The following TNIK variants were observed in gnomAD, a reference collection of about 807,000 sequenced individuals.
The protein encoded by TNIK is TRAF2 and NCK interacting kinase.
A neutral mutation model predicts 191.3 loss-of-function variants in TNIK; 49 were observed. That is an observed-to-expected ratio of 0.26 (90% CI 0.20 to 0.32). The LOEUF (loss-of-function observed/expected upper bound fraction) is 0.32, where lower values mean the gene tolerates loss of function less well. TNIK is among the 10% of genes least tolerant of loss of function. TNIK has a pLI of 1.00. For missense variants in TNIK, 1,155 were observed against 1,702.3 expected (o/e 0.68, Z 5.66); for synonymous variants, 594 against 600.9 (o/e 0.99, Z 0.17).
At chr3:171,287,154 G>A (rs1751096521) in intron 2 of TNIK, among the ~76,000 whole-genome samples, 1 of 151,994 alleles carries the variant, frequency 6.6e-6, no homozygotes. Context: ...ATATGCTGCT[G>A]CAAATATTTC....
chr3:171,179,667 G>T (rs975710900), intron 7 of TNIK, among the ~76,000 whole-genome samples: 5 of 152,032 alleles, frequency 3.3e-5, no homozygotes, highest in African/African-American at 1.2e-4. Context: ...AGTCAGGATG[G>T]TCTTGATCTC....
intron 15 of TNIK, 52 bp downstream of exon 15, chr3:171,138,139 C>A: frequency 3.7e-5 from 55 of 1,479,872 alleles, no homozygotes; most frequent in Non-Finnish European, 4.9e-5. Context: ...CACACAAACT[C>A]ATTAGAGTCA....
At chr3:171,398,431 A>G (rs193293063) in intron 1 of TNIK, among the ~76,000 whole-genome samples, 14 of 152,362 alleles carry the variant, frequency 9.2e-5, no homozygotes, top group Non-Finnish European at 1.3e-4. Flanking sequence ...TTGGGAATCC[A>G]TATCTTCTAT....
intron 12 of TNIK, among the ~76,000 whole-genome samples, chr3:171,141,136 CATCATCGTCATCGTCA>C (rs1195231996): frequency 3.3e-5 from 5 of 152,202 alleles, no homozygotes; most frequent in Non-Finnish European, 5.9e-5. Flanking sequence ...CCATCATCAT[CATCATCGTCATCGTCA>C]ATCATCGTCA....
chr3:171,222,953 G>A (rs1742536942), intron 3 of TNIK, among the ~76,000 whole-genome samples: 1 of 152,096 alleles, frequency 6.6e-6, no homozygotes, highest in African/African-American at 2.4e-5. Flanking sequence ...AAGAAAACCT[G>A]CTTACATTTC....
At chr3:171,225,499 G>A (rs1286737302) in intron 3 of TNIK, 1 of 454,328 alleles carries the variant, frequency 2.2e-6, no homozygotes, top group African/African-American at 2.0e-5. Context: ...TCTATGTAAT[G>A]GATTGACACT....
At chr3:171,331,497 C>A (rs1226040533) in intron 2 of TNIK, among the ~76,000 whole-genome samples, 1 of 152,058 alleles carries the variant, frequency 6.6e-6, no homozygotes, top group Non-Finnish European at 1.5e-5. Context: ...AAACTCATAT[C>A]CATTATAGAC....
At chr3:171,396,850 T>G (rs976448852) in intron 1 of TNIK, among the ~76,000 whole-genome samples, 1 of 152,206 alleles carries the variant, frequency 6.6e-6, no homozygotes, top group Non-Finnish European at 1.5e-5. Context: ...TTCAGTCTAC[T>G]GTGTCTGTGT....
chr3:171,358,566 C>T (rs1445620298), intron 2 of TNIK, among the ~76,000 whole-genome samples: 3 of 152,162 alleles, frequency 2.0e-5, no homozygotes, highest in Non-Finnish European at 4.4e-5. Flanking sequence ...GACAGCCAAA[C>T]CATATCAGAA....
At chr3:171,330,154 G>A (rs936242336) in intron 2 of TNIK, among the ~76,000 whole-genome samples, 3 of 152,218 alleles carry the variant, frequency 2.0e-5, no homozygotes, top group African/African-American at 7.2e-5. Context: ...CTAGGTATAG[G>A]CTCTGTGGAG....
At chr3:171,102,411 C>A (rs974835453) in intron 21 of TNIK, among the ~76,000 whole-genome samples, 1 of 152,048 alleles carries the variant, frequency 6.6e-6, no homozygotes, top group East Asian at 1.9e-4. Flanking sequence ...TATGATGAAA[C>A]CTTTAGCCTT....
At chr3:171,107,819 T>C (rs563147918) in intron 20 of TNIK, among the ~76,000 whole-genome samples, 1 of 152,330 alleles carries the variant, frequency 6.6e-6, no homozygotes, top group East Asian at 1.9e-4. Flanking sequence ...TAGGAGTTGT[T>C]TCTCTTCCTG....
intron 2 of TNIK, among the ~76,000 whole-genome samples, chr3:171,326,471 T>C (rs1442408832): frequency 6.6e-6 from 1 of 151,570 alleles, no homozygotes; most frequent in Non-Finnish European, 1.5e-5. Flanking sequence ...AGAAAAAAAC[T>C]CCCACTGAGG....
chr3:171,128,846 A>T lies in TNIK; in HGVS notation c.1641T>A (p.Ser547Arg), dbSNP rs891422862. ...CAACCTTGTGAGGCATGGCAGGGGA[A>T]CTTTGCCGGTTGAGCCTTGACCGTT... ...VEERSRLNRQ[S>R]SPAMPHKVAN... The change falls in exon 16 of 33, where the codon AGT (serine) becomes AGA (arginine). Residue 547 changes from serine (S) to arginine (R), a missense_variant. Coordinates refer to ENST00000436636, the MANE Select transcript of TNIK (RefSeq NM_015028.4). 1.9e-6 allele frequency: 3 copies of T among 1,565,102 alleles called. No homozygotes were observed. The African/African-American group carries it at 4.2e-5, about 22-fold the overall frequency.
chr3:171,401,668 G>A (rs1267867074), intron 1 of TNIK, among the ~76,000 whole-genome samples: 3 of 152,126 alleles, frequency 2.0e-5, no homozygotes, highest in African/African-American at 7.2e-5. Context: ...AAGGTACATC[G>A]TGGAGTGATT....
chr3:171,093,784 G>A lies in TNIK; in HGVS notation c.2721+55C>T, dbSNP rs201115794. On this transcript the variant is annotated intron_variant, in intron 23 of 32. Transcript: ENST00000436636. The stretch of plus-strand genomic sequence containing the variant: ...AGGCATTCTCTGTGAAAGCTTTAAT[G>A]TAAAAACCACTGAAGAAATGGCATT... 2,414 of 1,600,102 alleles carry A rather than the reference G, an allele frequency of 1.5e-3. 2 individuals carry two copies. The highest frequency in any genetic ancestry group is 1.9e-3 in the Non-Finnish European group (2,214 of 1,172,334).
intron 2 of TNIK, among the ~76,000 whole-genome samples, chr3:171,310,746 GCTTTT>G (rs1335936545): frequency 1.3e-5 from 2 of 151,954 alleles, no homozygotes; most frequent in Admixed American, 6.6e-5. Flanking sequence ...TTTAAATAAA[GCTTTT>G]CTTTTCAAGC....
chr3:171,117,111 GAC>G (rs1289598314), intron 18 of TNIK, among the ~76,000 whole-genome samples: 1 of 152,190 alleles, frequency 6.6e-6, no homozygotes, highest in Non-Finnish European at 1.5e-5. Context: ...GGTCTCATGA[GAC>G]AACAACTTCG....
At chr3:171,347,041 T>C in intron 2 of TNIK, 2 of 1,203,574 alleles carry the variant, frequency 1.7e-6, no homozygotes, top group Non-Finnish European at 2.3e-6. Context: ...ATGAGAGATG[T>C]GCAATGCCTG....
Sources: gnomAD v4.1 joint callset for allele counts (sites outside exome capture counted in the v4.1 genomes callset) on GRCh38, gnomAD v4.1.1 for gene constraint, MANE v1.5 for transcripts, NCBI Gene and HGNC (gene_info 2026-07-23, HGNC 2026-07-21) for gene names.